The following CADPS2 variants were observed in gnomAD, a reference collection of about 807,000 sequenced individuals.
CADPS2 encodes the protein calcium-dependent secretion activator 2.
Under a neutral mutation model 172.5 loss-of-function variants are expected in CADPS2, and 93 were observed. The observed-to-expected ratio is 0.54, with a 90% CI of 0.46 to 0.64. The LOEUF is 0.64. CADPS2 is among the 30% of genes least tolerant of loss of function. The probability of loss-of-function intolerance (pLI) is 0.00; values close to 1 mark genes in which losing one functional copy is unlikely to be tolerated. For missense variants in CADPS2, 1,420 were observed against 1,565.9 expected (o/e 0.91, Z 1.57); for synonymous variants, 546 against 555.2 (o/e 0.98, Z 0.23).
intron 1 of CADPS2, among the ~76,000 whole-genome samples, chr7:122,787,038 G>C (rs1343230459): frequency 6.6e-6 from 1 of 152,082 alleles, no homozygotes; most frequent in Non-Finnish European, 1.5e-5. Flanking sequence ...ACAGTATGCA[G>C]GACTGTTTGG....
At chr7:122,798,484 A>G (rs939958598) in intron 1 of CADPS2, among the ~76,000 whole-genome samples, 43 of 152,204 alleles carry the variant, frequency 2.8e-4, no homozygotes, top group African/African-American at 9.6e-5. Flanking sequence ...AGCTACATCA[A>G]TGTATATAGA....
At chr7:122,763,844 C>T (rs768437547) in intron 1 of CADPS2, among the ~76,000 whole-genome samples, 1 of 152,074 alleles carries the variant, frequency 6.6e-6, no homozygotes, top group Non-Finnish European at 1.5e-5. Context: ...AGATCGGGCG[C>T]ATTCAGGGTG....
intron 7 of CADPS2, among the ~76,000 whole-genome samples, chr7:122,575,433 CTTCTT>C (rs1393282964): frequency 8.0e-5 from 12 of 150,804 alleles, no homozygotes; most frequent in Non-Finnish European, 1.5e-4. Flanking sequence ...TTTCTTTTCT[CTTCTT>C]TTCCTTTTTT....
chr7:122,627,346 T>C (rs1000946364), intron 4 of CADPS2, among the ~76,000 whole-genome samples: 1 of 152,230 alleles, frequency 6.6e-6, no homozygotes, highest in East Asian at 1.9e-4. Flanking sequence ...TTTGGTGAAC[T>C]TGAAGTGGAA....
chr7:122,782,922 A>T (rs1793112034), intron 1 of CADPS2, among the ~76,000 whole-genome samples: 1 of 152,066 alleles, frequency 6.6e-6, no homozygotes, highest in Non-Finnish European at 1.5e-5. Context: ...CTATTGAATG[A>T]CTCATTTTGC....
At chr7:122,806,858 A>G (rs1382457760) in intron 1 of CADPS2, among the ~76,000 whole-genome samples, 1 of 152,214 alleles carries the variant, frequency 6.6e-6, no homozygotes, top group Non-Finnish European at 1.5e-5. Context: ...TGATTTCCAA[A>G]CAGCCTTAAA....
At chr7:122,592,754 G>A (rs542516411) in intron 6 of CADPS2, among the ~76,000 whole-genome samples, 86 of 149,982 alleles carry the variant, frequency 5.7e-4, no homozygotes, top group South Asian at 2.7e-3. Flanking sequence ...ACCAAACACC[G>A]CATGTTCTCA....
intron 2 of CADPS2, among the ~76,000 whole-genome samples, chr7:122,722,735 C>CA (rs1331877408): frequency 7.1e-6 from 1 of 140,020 alleles, no homozygotes; most frequent in Non-Finnish European, 1.5e-5. Flanking sequence ...AATCCTAAGC[C>CA]AAAAGAACAA....
At chr7:122,789,686 T>C (rs2139641482) in intron 1 of CADPS2, among the ~76,000 whole-genome samples, 1 of 152,336 alleles carries the variant, frequency 6.6e-6, no homozygotes, top group African/African-American at 2.4e-5. Flanking sequence ...TCAAAAGTTA[T>C]TTGTAGATAA....
At chr7:122,702,187 G>A in intron 2 of CADPS2, 1 of 1,613,570 alleles carries the variant, frequency 6.2e-7, no homozygotes, top group Non-Finnish European at 8.5e-7. Context: ...TGATGTAATG[G>A]CTCACCCACT....
At chr7:122,541,774 CATATATTCAT>C (rs1348423712) in intron 8 of CADPS2, among the ~76,000 whole-genome samples, 1 of 139,374 alleles carries the variant, frequency 7.2e-6, no homozygotes, top group South Asian at 2.2e-4. Context: ...TATATATTCA[CATATATTCAT>C]ATATTTATAT....
chr7:122,382,996 C>T (rs181115581), intron 24 of CADPS2, among the ~76,000 whole-genome samples: 134 of 152,072 alleles, frequency 8.8e-4, no homozygotes, highest in African/African-American at 3.0e-3. Flanking sequence ...ACCAAACAAA[C>T]GAAAACAAAA....
intron 2 of CADPS2, among the ~76,000 whole-genome samples, chr7:122,709,359 A>AC (rs1435377506): frequency 5.9e-5 from 9 of 152,134 alleles, no homozygotes; most frequent in Non-Finnish European, 1.5e-5. Flanking sequence ...ACAATGAGAT[A>AC]CCATCTTACA....
At chr7:122,400,230 G>A (rs1484388292) in intron 20 of CADPS2, among the ~76,000 whole-genome samples, 2 of 151,858 alleles carry the variant, frequency 1.3e-5, no homozygotes, top group Non-Finnish European at 2.9e-5. Flanking sequence ...GAGGTCAGGA[G>A]TTTGAGACCA....
At chr7:122,500,571 A>G (rs2059115680) in intron 9 of CADPS2, among the ~76,000 whole-genome samples, 1 of 152,116 alleles carries the variant, frequency 6.6e-6, no homozygotes, top group East Asian at 1.9e-4. Context: ...GCAAGTAGGC[A>G]CCCCATTATG....
chr7:122,575,178 TA>T (rs57716923), intron 7 of CADPS2, among the ~76,000 whole-genome samples: 26 of 145,050 alleles, frequency 1.8e-4, no homozygotes, highest in South Asian at 6.6e-4. Flanking sequence ...ATAATAAAAG[TA>T]AAAAAAAAAG....
chr7:122,836,061 T>A (rs1046484422), intron 1 of CADPS2, among the ~76,000 whole-genome samples: 1 of 152,098 alleles, frequency 6.6e-6, no homozygotes, highest in Non-Finnish European at 1.5e-5. Context: ...GGGAAGCACA[T>A]CAGACTAACA....
chr7:122,592,601 A>C (rs940503113), intron 6 of CADPS2, among the ~76,000 whole-genome samples: 5 of 152,128 alleles, frequency 3.3e-5, no homozygotes, highest in Non-Finnish European at 7.4e-5. Context: ...ATGTCCATCA[A>C]TGATAGACTG....
At chr7:122,553,456 C>T (rs114588921) in intron 8 of CADPS2, among the ~76,000 whole-genome samples, 2,314 of 152,200 alleles carry the variant, frequency 0.015, 62 homozygotes, top group African/African-American at 0.052. Context: ...AATCATGGTT[C>T]CATTTCTAAG....
Sources: allele counts gnomAD v4.1 joint callset (sites outside exome capture counted in the v4.1 genomes callset), GRCh38; gene constraint gnomAD v4.1.1; transcripts MANE v1.5; gene names NCBI Gene and HGNC (gene_info 2026-07-23, HGNC 2026-07-21).